The following TRMT11 variants were observed in gnomAD, a reference collection of about 807,000 sequenced individuals.
TRMT11 encodes the protein tRNA (guanine(10)-N(2))-methyltransferase TRMT11.
In TRMT11, 53 loss-of-function variants were observed where a neutral mutation model predicts 62.8. That is an observed-to-expected ratio of 0.84 (90% CI 0.68 to 1.06). TRMT11 has a LOEUF of 1.06. TRMT11 is among the 50% of genes least tolerant of loss of function. TRMT11 has a pLI of 0.00. For synonymous variants in TRMT11, 188 were observed against 190.3 expected (o/e 0.99, Z 0.10); for missense variants, 556 against 553.4 (o/e 1.00, Z -0.05).
At chr6:126,069,261 G>A (rs1180867770) in intron 17 of TRMT11, among the ~76,000 whole-genome samples, 1 of 152,204 alleles carries the variant, frequency 6.6e-6, no homozygotes. Context: ...TTTGGAGTTT[G>A]TGATCAGGGA....
intron 12 of TRMT11, among the ~76,000 whole-genome samples, chr6:126,029,467 A>G (rs549252071): frequency 1.6e-4 from 24 of 152,184 alleles, no homozygotes; most frequent in African/African-American, 5.5e-4. Flanking sequence ...CTTTTGTAAT[A>G]TTACCACTAT....
intron 6 of TRMT11, among the ~76,000 whole-genome samples, chr6:125,999,236 G>A (rs985400475): frequency 4.6e-5 from 7 of 152,162 alleles, no homozygotes; most frequent in African/African-American, 1.7e-4. Context: ...TTCAAATGCA[G>A]TTCATACTTG....
At chr6:126,197,758 C>T (rs745786097) in intron 1 of TRMT11, among the ~76,000 whole-genome samples, 5 of 152,080 alleles carry the variant, frequency 3.3e-5, no homozygotes, top group Non-Finnish European at 5.9e-5. Flanking sequence ...TGGAGGTTTT[C>T]TTATTTTGGC....
intron 11 of TRMT11, among the ~76,000 whole-genome samples, chr6:126,013,683 A>G (rs1377968350): frequency 1.3e-5 from 2 of 152,240 alleles, no homozygotes; most frequent in Non-Finnish European, 2.9e-5. Flanking sequence ...AGCTAGGACT[A>G]GTTTTTAGAT....
chr6:126,206,040 C>T (rs960051459), downstream of TRMT11, among the ~76,000 whole-genome samples: 9 of 152,138 alleles, frequency 5.9e-5, no homozygotes, highest in Non-Finnish European at 1.2e-4. Context: ...TAGGAATGTC[C>T]TCATACTGTC....
intron 3 of TRMT11, 128 bp downstream of exon 3, chr6:125,996,168 G>A: frequency 5.2e-6 from 3 of 577,060 alleles, no homozygotes; most frequent in Non-Finnish European, 9.1e-6. Context: ...ACTGCCACTG[G>A]GTGGCGGTGG....
At chr6:126,063,890 G>A (rs1019760770) in intron 17 of TRMT11, among the ~76,000 whole-genome samples, 3 of 152,186 alleles carry the variant, frequency 2.0e-5, no homozygotes, top group Non-Finnish European at 2.9e-5. Flanking sequence ...GACTGGGGTC[G>A]GAGATCTAGG....
At chr6:126,016,740 G>A (rs1165216429) in intron 11 of TRMT11, among the ~76,000 whole-genome samples, 1 of 150,162 alleles carries the variant, frequency 6.7e-6, no homozygotes, top group East Asian at 2.0e-4. Flanking sequence ...TCAATGGATA[G>A]ATTTCTTCTA....
intron 17 of TRMT11, among the ~76,000 whole-genome samples, chr6:126,112,817 A>AT (rs544961877): frequency 1.3e-4 from 19 of 149,708 alleles, no homozygotes; most frequent in Non-Finnish European, 1.8e-4. Context: ...TGTTACTGAG[A>AT]TTTTTTTTTT....
At chr6:126,064,873 G>A (rs1776642334) in intron 17 of TRMT11, among the ~76,000 whole-genome samples, 1 of 152,188 alleles carries the variant, frequency 6.6e-6, no homozygotes. Context: ...TAGCAGCCTT[G>A]TTTTATGTTT....
chr6:126,151,806 T>TTTTCTCTTTCTTTCTTTC (rs1554242199), intron 21 of TRMT11, among the ~76,000 whole-genome samples: 1 of 86,880 alleles, frequency 1.2e-5, no homozygotes, highest in East Asian at 3.5e-4. Flanking sequence ...CCTCTCTGTC[T>TTTTCTCTTTCTTTCTTTC]TTTCTTTCTT....
chr6:126,230,206 C>T, the TRMT11 span, among the ~76,000 whole-genome samples: 1 of 152,162 alleles, frequency 6.6e-6, no homozygotes, highest in Non-Finnish European at 1.5e-5. Flanking sequence ...TTGCAAAAAT[C>T]AAGCAGTTTA....
At chr6:126,213,805 T>G in the TRMT11 span, among the ~76,000 whole-genome samples, 1 of 152,066 alleles carries the variant, frequency 6.6e-6, no homozygotes, top group Non-Finnish European at 1.5e-5. Context: ...GTAGTGACAG[T>G]GGGCATCCTT....
the TRMT11 span, among the ~76,000 whole-genome samples, chr6:126,264,053 A>C: frequency 6.6e-6 from 1 of 152,192 alleles, no homozygotes; most frequent in Non-Finnish European, 1.5e-5. Context: ...TAATTGCTCC[A>C]GAACGGCAGA....
chr6:126,221,774 G>C, the TRMT11 span, among the ~76,000 whole-genome samples: 1 of 152,062 alleles, frequency 6.6e-6, no homozygotes, highest in Non-Finnish European at 1.5e-5. Context: ...GATAGTTTCT[G>C]TTAGTTTCTT....
At chr6:126,011,504 A>C in intron 9 of TRMT11, 87 bp downstream of exon 9, 6 of 1,114,126 alleles carry the variant, frequency 5.4e-6, no homozygotes, top group Non-Finnish European at 7.8e-6. Context: ...CAACACATGC[A>C]CAAAATGCCA....
At chr6:126,165,149 G>A (rs1168149346) in intron 21 of TRMT11, among the ~76,000 whole-genome samples, 1 of 151,926 alleles carries the variant, frequency 6.6e-6, no homozygotes, top group Non-Finnish European at 1.5e-5. Flanking sequence ...GTAGTGGTGG[G>A]TGCCTATAAT....
At chr6:126,164,084 C>T (rs1778230867) in intron 21 of TRMT11, among the ~76,000 whole-genome samples, 2 of 152,296 alleles carry the variant, frequency 1.3e-5, no homozygotes, top group South Asian at 4.1e-4. Context: ...GCTTTTAGAT[C>T]TTTCTCACTT....
intron 21 of TRMT11, among the ~76,000 whole-genome samples, chr6:126,160,598 C>T (rs1182252229): frequency 6.6e-6 from 1 of 152,090 alleles, no homozygotes; most frequent in East Asian, 1.9e-4. Flanking sequence ...TTCTAACTCT[C>T]CTTCCCTCAG....
Sources: allele counts gnomAD v4.1 joint callset (sites outside exome capture counted in the v4.1 genomes callset), GRCh38; gene constraint gnomAD v4.1.1; transcripts MANE v1.5; gene names NCBI Gene and HGNC (gene_info 2026-07-23, HGNC 2026-07-21).